DCDC1: variants seen among roughly 807,000 people sequenced by gnomAD.
The protein encoded by DCDC1 is doublecortin domain-containing protein 1.
DCDC1 carries 200 observed loss-of-function variants against 178.3 expected under a neutral mutation model. The ratio of observed to expected loss-of-function variants is 1.12; its 90% confidence interval spans 1.00 to 1.26. DCDC1 has a LOEUF of 1.26. Ranked by LOEUF, DCDC1 falls within the 50% of genes most tolerant of loss-of-function variation. DCDC1 has a pLI of 0.00. For synonymous variants in DCDC1, 690 were observed against 604.8 expected (o/e 1.14, Z -2.07); for missense variants, 1,983 against 1,749.2 (o/e 1.13, Z -2.38).
intron 11 of DCDC1, among the ~76,000 whole-genome samples, chr11:31,115,218 T>G (rs1959700695): frequency 6.6e-6 from 1 of 152,208 alleles, no homozygotes; most frequent in Non-Finnish European, 1.5e-5. Context: ...TGGGCAGTTA[T>G]GAGCCAATGT....
At chr11:31,188,795 A>G (rs906280354) in intron 9 of DCDC1, among the ~76,000 whole-genome samples, 3 of 152,236 alleles carry the variant, frequency 2.0e-5, no homozygotes, top group African/African-American at 7.2e-5. Context: ...ATTCAAGGCA[A>G]GATGAGTGCT....
chr11:31,083,102 C>T (rs764831104), intron 17 of DCDC1, among the ~76,000 whole-genome samples: 1 of 152,092 alleles, frequency 6.6e-6, no homozygotes, highest in Non-Finnish European at 1.5e-5. Context: ...CTTAAAGCAG[C>T]GTGTGTTTTT....
At chr11:31,183,946 C>A (rs1030295863) in intron 9 of DCDC1, among the ~76,000 whole-genome samples, 1 of 152,140 alleles carries the variant, frequency 6.6e-6, no homozygotes, top group Non-Finnish European at 1.5e-5. Flanking sequence ...CTTTAAAGTT[C>A]ATATGGAACC....
At chr11:31,008,947 A>T (rs1952009356) in intron 20 of DCDC1, among the ~76,000 whole-genome samples, 1 of 152,254 alleles carries the variant, frequency 6.6e-6, no homozygotes. Context: ...CAATTAACAC[A>T]TGAGCACTCA....
intron 7 of DCDC1, among the ~76,000 whole-genome samples, chr11:31,276,630 G>A (rs540818911): frequency 6.6e-6 from 1 of 152,204 alleles, no homozygotes; most frequent in African/African-American, 2.4e-5. Context: ...ACCAGAAAAT[G>A]CCAGAAGATT....
chr11:30,918,444 T>C (rs757624461), intron 25 of DCDC1, among the ~76,000 whole-genome samples: 1 of 152,154 alleles, frequency 6.6e-6, no homozygotes, highest in East Asian at 1.9e-4. Context: ...AGAGATTAAA[T>C]AGACAAGTAA....
intron 3 of DCDC1, among the ~76,000 whole-genome samples, chr11:31,314,148 A>G (rs1313781787): frequency 6.6e-6 from 1 of 152,210 alleles, no homozygotes; most frequent in African/African-American, 2.4e-5. Flanking sequence ...GTTATTTCCT[A>G]TCATATAAAA....
rs557388628 is a variant in DCDC1, at chr11:31,090,672, T to C, written c.2237+721A>G. Among the ~76,000 whole-genome samples the C allele has an allele frequency of 7.9e-5, 12 of 152,284 alleles. No individual in the cohort carries two copies. In the East Asian group the frequency reaches 2.3e-3, roughly 29 times the overall value. On this transcript the variant is annotated intron_variant, in intron 17 of 38. Coordinates refer to ENST00000684477, the MANE Select transcript of DCDC1 (RefSeq NM_001387274.1). ...TCTGCTTTGCAAGTTAGAGAAAACTTCCCTTCTGTATTTATGGCTGGATCA... is the reference window on the plus strand; with the variant it reads ...TCTGCTTTGCAAGTTAGAGAAAACTCCCCTTCTGTATTTATGGCTGGATCA...
intron 3 of DCDC1, among the ~76,000 whole-genome samples, chr11:31,309,477 T>C (rs1412347611): frequency 6.6e-6 from 1 of 152,190 alleles, no homozygotes; most frequent in Admixed American, 6.5e-5. Context: ...CATTTCAAAC[T>C]GGCAGTGTTT....
intron 9 of DCDC1, among the ~76,000 whole-genome samples, chr11:31,168,422 T>C (rs1003344367): frequency 7.9e-5 from 12 of 152,236 alleles, no homozygotes; most frequent in Admixed American, 7.2e-4. Flanking sequence ...ATATTTTCTG[T>C]GGCCAAGTAA....
chr11:31,218,089 T>G lies in DCDC1; in HGVS notation c.1221+23361A>C, dbSNP rs554383709. ...TTTTTCCTAAATTTTTATCTTTTAC[T>G]TTTTATCTTTTGTCATTTGCTTTAA... is the stretch of plus-strand genomic sequence containing the variant. On this transcript the variant is annotated intron_variant, in intron 9 of 38. Transcript: ENST00000684477. Among the ~76,000 whole-genome samples, 17 of 152,206 alleles carry G rather than the reference T, an allele frequency of 1.1e-4. No individual in the cohort carries two copies. The East Asian group carries it at 2.7e-3, about 24-fold the overall frequency.
At chr11:31,364,514 G>A (rs562504435) in intron 1 of DCDC1, among the ~76,000 whole-genome samples, 1 of 152,276 alleles carries the variant, frequency 6.6e-6, no homozygotes, top group African/African-American at 2.4e-5. Flanking sequence ...ATAAATCTCA[G>A]ATAAGATAAA....
chr11:30,959,635 C>T (rs1475991688), intron 20 of DCDC1, among the ~76,000 whole-genome samples: 1 of 152,108 alleles, frequency 6.6e-6, no homozygotes, highest in Non-Finnish European at 1.5e-5. Context: ...AATATTGTCC[C>T]ACAGGGCATG....
intron 10 of DCDC1, among the ~76,000 whole-genome samples, chr11:31,131,644 A>T (rs148954269): frequency 0.012 from 1,767 of 152,290 alleles, 26 homozygotes; most frequent in Non-Finnish European, 0.015. Context: ...TCCAAGAATG[A>T]AAGGCCCTAA....
intron 10 of DCDC1, among the ~76,000 whole-genome samples, chr11:31,135,328 C>T (rs548241893): frequency 1.3e-5 from 2 of 152,240 alleles, no homozygotes; most frequent in South Asian, 2.1e-4. Context: ...GATGCTTTAG[C>T]CCTAAAAGTT....
intron 20 of DCDC1, among the ~76,000 whole-genome samples, chr11:31,043,483 A>C (rs1426658037): frequency 6.6e-6 from 1 of 151,966 alleles, no homozygotes; most frequent in African/African-American, 2.4e-5. Context: ...ATGTAGGAAA[A>C]TTTTTTTCCC....
chr11:31,026,316 T>C (rs903020350), intron 20 of DCDC1, among the ~76,000 whole-genome samples: 11 of 151,742 alleles, frequency 7.2e-5, no homozygotes, highest in African/African-American at 2.7e-4. Context: ...AGACTAAACA[T>C]AGCAGAAACT....
intron 13 of DCDC1, among the ~76,000 whole-genome samples, chr11:31,105,975 G>C (rs1958818127): frequency 6.6e-6 from 1 of 152,142 alleles, no homozygotes; most frequent in Admixed American, 6.6e-5. Flanking sequence ...TAAAAATAGA[G>C]AAGTGTGTTT....
intron 1 of DCDC1, among the ~76,000 whole-genome samples, chr11:31,364,357 G>A (rs1951854003): frequency 6.6e-6 from 1 of 152,034 alleles, no homozygotes; most frequent in Non-Finnish European, 1.5e-5. Context: ...AGAAAAAAGA[G>A]AAAAGGGCAA....
Sources: gnomAD v4.1 joint callset for allele counts (sites outside exome capture counted in the v4.1 genomes callset) on GRCh38, gnomAD v4.1.1 for gene constraint, MANE v1.5 for transcripts, NCBI Gene and HGNC (gene_info 2026-07-23, HGNC 2026-07-21) for gene names.